The following PKD1L1 variants were observed in gnomAD, a reference collection of about 807,000 sequenced individuals.
The protein encoded by PKD1L1 is polycystin 1 like 1, transient receptor potential channel interacting, also known as polycystin-1-like protein 1.
In PKD1L1, 236 loss-of-function variants were observed where a neutral mutation model predicts 323.4. The observed-to-expected ratio is 0.73, with a 90% CI of 0.66 to 0.81. The LOEUF (loss-of-function observed/expected upper bound fraction) is 0.81, where lower values mean the gene tolerates loss of function less well. Ranked by LOEUF, PKD1L1 falls within the 40% of genes least tolerant of loss-of-function variation. The probability of loss-of-function intolerance (pLI) is 0.00; values close to 1 mark genes in which losing one functional copy is unlikely to be tolerated. For synonymous variants in PKD1L1, 1,344 were observed against 1,335.0 expected, an observed-to-expected ratio of 1.01 and a Z score of -0.15; for missense variants, 3,320 against 3,508.0, an observed-to-expected ratio of 0.95 and a Z score of 1.35.
intron 31 of PKD1L1, among the ~76,000 whole-genome samples, chr7:47,850,531 C>G (rs1361075465): frequency 6.7e-6 from 1 of 148,428 alleles, no homozygotes; most frequent in South Asian, 2.1e-4. Context: ...ACCCACAAGG[C>G]TGAGGCAGGA....
In PKD1L1 at chr7:47,857,745, G is replaced by C; in HGVS notation, c.4450C>G (p.Leu1484Val). ...GGTAAATGCACCTGGACAGATCCCA[G>C]GCTCTGGACAGAGCTCTGAAGGTTG... ...HYNLQSSVQS[L>V]GSVQVHLPGD... The change falls in exon 28 of 57, where the codon CTG becomes GTG. Residue 1484 changes from leucine (L) to valine (V), a missense_variant. Leu to Val is a conservative substitution (Grantham distance 32). Coordinates refer to ENST00000289672, the MANE Select transcript of PKD1L1 (RefSeq NM_138295.5). 1.2e-6 allele frequency: 2 copies of C among 1,614,108 alleles called. No homozygotes were observed. Among genetic ancestry groups the C allele is most frequent in the Non-Finnish European group, 1.7e-6 (2 of 1,180,024 alleles).
At chr7:47,947,967 CA>C (rs1024669849) in intron 1 of PKD1L1, among the ~76,000 whole-genome samples, 52 of 150,722 alleles carry the variant, frequency 3.5e-4, no homozygotes, top group African/African-American at 1.2e-3. Flanking sequence ...GACTCCGTCT[CA>C]AAAAAAAAGA....
At position 47,830,130 on chromosome 7, in the gene PKD1L1, C is replaced by A. The variant is rs1421141254; in HGVS notation, c.6474-6G>T. ...CACATTGCTCCTGGCCAAACCTGCC[C>A]CCAGGGAAAGTGCAGTGGTCAGCCC... is the stretch of plus-strand genomic sequence containing the variant. On this transcript the variant is annotated splice_region_variant and splice_polypyrimidine_tract_variant and intron_variant, in intron 42 of 56. Coordinates refer to ENST00000289672, the MANE Select transcript of PKD1L1 (RefSeq NM_138295.5). 5 of 1,613,390 alleles carry A rather than the reference C, an allele frequency of 3.1e-6. No individual in the cohort carries two copies. The Admixed American group carries it at 8.3e-5, about 27-fold the overall frequency.
chr7:47,901,611 G>T (rs1787091051), intron 13 of PKD1L1, among the ~76,000 whole-genome samples: 1 of 152,178 alleles, frequency 6.6e-6, no homozygotes, highest in Admixed American at 6.5e-5. Flanking sequence ...CTGCCCAACA[G>T]CGTGGGTGCT....
At chr7:47,803,424 C>A in intron 52 of PKD1L1, 80 bp from the exon 53 acceptor site, 1 of 1,511,690 alleles carries the variant, frequency 6.6e-7, no homozygotes, top group Admixed American at 1.8e-5. Context: ...GTCAGTCATG[C>A]ATAAAGAGTT....
intron 18 of PKD1L1, 135 bp downstream of exon 18, chr7:47,885,551 G>A (rs1786662990): frequency 8.4e-7 from 1 of 1,193,326 alleles, no homozygotes; most frequent in Middle Eastern, 3.0e-4. Context: ...CAAGTGGTGG[G>A]TGTGAACCTG....
Position 47,804,469 on chromosome 7 carries a change from ATT to A in PKD1L1, c.7828-1127_7828-1126del, listed in dbSNP as rs71966592. On this transcript the variant is annotated intron_variant, in intron 52 of 56. Transcript: ENST00000289672. ...ATTATTGAGATATTTTACATTTTTAATTTTTTTTTTTTTTTTTTTTGAGAGAG... is the reference window on the plus strand; with the variant it reads ...ATTATTGAGATATTTTACATTTTTAATTTTTTTTTTTTTTTTTTGAGAGAG... Among the ~76,000 whole-genome samples the A allele has an allele frequency of 4.4e-3, 539 of 122,942 alleles. 2 individuals are homozygous for A. Among genetic ancestry groups the A allele is most frequent in the African/African-American group, 7.8e-3 (256 of 33,002 alleles). 80.7% of individuals were successfully genotyped at this position (122,942 alleles called of 152,430 possible). A position where few individuals can be genotyped will look rare whatever the true frequency, so the allele number is the denominator to read the frequency against.
At chr7:47,943,996 T>C (rs1488784546) in intron 1 of PKD1L1, among the ~76,000 whole-genome samples, 1 of 152,218 alleles carries the variant, frequency 6.6e-6, no homozygotes, top group African/African-American at 2.4e-5. Flanking sequence ...TGGGGAGAGA[T>C]GCCAGCGCAG....
intron 46 of PKD1L1, among the ~76,000 whole-genome samples, chr7:47,817,763 G>A (rs1409251246): frequency 1.3e-5 from 2 of 151,998 alleles, no homozygotes; most frequent in African/African-American, 4.8e-5. Context: ...TCAGCTACTT[G>A]GGGGGCTGAG....
At chr7:47,833,063 G>A (rs753722077) in intron 41 of PKD1L1, 27 bp downstream of exon 41, 2 of 1,595,998 alleles carry the variant, frequency 1.3e-6, no homozygotes, top group Non-Finnish European at 1.7e-6. Flanking sequence ...TGGCAGGAAG[G>A]GGGCTGTGGT....
chr7:47,792,320 T>C (rs904446461), intron 56 of PKD1L1, among the ~76,000 whole-genome samples: 44 of 152,078 alleles, frequency 2.9e-4, no homozygotes, highest in South Asian at 2.1e-4. Flanking sequence ...CTGGGTTTTT[T>C]TTTGTTTCTG....
Position 47,800,820 on chromosome 7 carries a change from C to T in PKD1L1, c.8022G>A (p.Met2674Ile), listed in dbSNP as rs778294323. The T allele has an allele frequency of 2.5e-6, 4 of 1,613,972 alleles. No individual in the cohort carries two copies. The African/African-American group carries it at 4.0e-5, about 16-fold the overall frequency. The stretch of plus-strand genomic sequence containing the variant: ...TGAAGGTGCCAGGTGGTAGAACCCA[C>T]ATAGAGAGCAGAAATCGGTGCAGGT... ...LSHLHRFLLS[M>I]WVLPPGTFTD... Residue 2674 changes from methionine (M) to isoleucine (I), a missense_variant, in exon 54 of 57, where the codon ATG (methionine) becomes ATA (isoleucine). By Grantham distance (10) the Met-to-Ile change is conservative (BLOSUM62 1). Transcript: ENST00000289672.
chr7:47,898,088 C>T lies in PKD1L1; in HGVS notation c.2171G>A (p.Gly724Glu), dbSNP rs772217636. 1 of 1,613,980 alleles carries T rather than the reference C, an allele frequency of 6.2e-7. No homozygotes were observed. Among genetic ancestry groups the T allele is most frequent in the Non-Finnish European group, 8.5e-7 (1 of 1,180,018 alleles). ...AGCAGCAGGGAGGGAGACAGGGAGCCCTTCAGAGTCCATCAAGTTCCAGGT... is the reference window on the plus strand; with the variant it reads ...AGCAGCAGGGAGGGAGACAGGGAGCTCTTCAGAGTCCATCAAGTTCCAGGT... ...SYTWNLMDSE[G>E]LPVSLPAAVD... is the part of the protein sequence containing the mutation. The change falls in exon 14 of 57, where the codon GGG (glycine) becomes GAG (glutamate). Residue 724 changes from glycine (G) to glutamate (E), a missense_variant. Gly to Glu is a moderately conservative substitution (Grantham distance 98). Coordinates refer to ENST00000289672, the MANE Select transcript of PKD1L1 (RefSeq NM_138295.5).
intron 46 of PKD1L1, among the ~76,000 whole-genome samples, chr7:47,817,561 A>G (rs1320349071): frequency 6.6e-6 from 1 of 152,238 alleles, no homozygotes; most frequent in Non-Finnish European, 1.5e-5. Context: ...TGTATATACT[A>G]TAAATGTGTT....
chr7:47,777,540 G>A (rs897622418), intron 56 of PKD1L1, among the ~76,000 whole-genome samples: 2 of 152,142 alleles, frequency 1.3e-5, no homozygotes, highest in African/African-American at 4.8e-5. Flanking sequence ...CAGTCAATTA[G>A]GGTCATGTTT....
At position 47,829,441 on chromosome 7, in the gene PKD1L1, GCA is replaced by G. The variant is rs1785299017; in HGVS notation, c.6717_6718del (p.Ala2240ArgfsTer4). ...TTTTTTTACTTTTTCAACCTCGCCTGCACAGTCAGGAATACTGCAGCTTGAAG... is the reference window on the plus strand; with the variant it reads ...TTTTTTTACTTTTTCAACCTCGCCTGCAGTCAGGAATACTGCAGCTTGAAG... On this transcript the variant is annotated frameshift_variant, in exon 44 of 57. Transcript: ENST00000289672. LOFTEE classifies it high-confidence loss of function. The G allele has an allele frequency of 6.2e-7, 1 of 1,607,816 alleles. No homozygotes were observed. The highest frequency in any genetic ancestry group is 8.5e-7 in the Non-Finnish European group (1 of 1,178,382).
intron 46 of PKD1L1, 26 bp downstream of exon 46, chr7:47,821,050 C>T: frequency 7.0e-7 from 1 of 1,422,516 alleles, no homozygotes; most frequent in Non-Finnish European, 9.9e-7. Context: ...GGCCCCAGAT[C>T]TGGAAGAGTT....
chr7:47,811,785 C>T (rs777383123), intron 50 of PKD1L1, 32 bp downstream of exon 50: 2 of 1,545,908 alleles, frequency 1.3e-6, no homozygotes, highest in South Asian at 1.2e-5. Context: ...TCCTGTGCAC[C>T]TCCAGGAGGC....
chr7:47,861,880 C>CAAAAAA (rs60918464), intron 26 of PKD1L1, among the ~76,000 whole-genome samples: 3 of 43,900 alleles, frequency 6.8e-5, no homozygotes, highest in Non-Finnish European at 1.1e-4. Context: ...GACTCTGTCT[C>CAAAAAA]AAAAAAAAAA....
Sources: gnomAD v4.1 joint callset for allele counts (sites outside exome capture counted in the v4.1 genomes callset) on GRCh38, gnomAD v4.1.1 for gene constraint, MANE v1.5 for transcripts, NCBI Gene and HGNC (gene_info 2026-07-23, HGNC 2026-07-21) for gene names.